GUCY1A2: variants seen among roughly 807,000 people sequenced by gnomAD.
GUCY1A2 encodes guanylate cyclase 1 soluble subunit alpha 2.
In GUCY1A2, 27 loss-of-function variants were observed where a neutral mutation model predicts 63.5. That is an observed-to-expected ratio of 0.43 (90% CI 0.31 to 0.59). The LOEUF is 0.59. Among genes scored for constraint, GUCY1A2 ranks in the 20% least tolerant of loss-of-function variants. The pLI is 0.11. For missense variants in GUCY1A2, 768 were observed against 913.3 expected (o/e 0.84, Z 2.05); for synonymous variants, 364 against 343.5 (o/e 1.06, Z -0.66).
Position 106,755,446 on chromosome 11 carries a change from C to T in GUCY1A2, c.1836+20993G>A, listed in dbSNP as rs1044217027. ...TCTTTTAATTGTGATGTTAGGGTGT[C>T]GATTTTAGATCTTTCCTGCTTTCTC... is the stretch of plus-strand genomic sequence containing the variant. On this transcript the variant is annotated intron_variant, in intron 6 of 7. Transcript: ENST00000526355. 1.3e-3 allele frequency among the ~76,000 whole-genome samples: 191 copies of T among 152,094 alleles called. 1 individual carries two copies. The highest frequency in any genetic ancestry group is 4.4e-3 in the African/African-American group (184 of 41,466).
chr11:106,897,093 C>T (rs755446028), intron 4 of GUCY1A2, among the ~76,000 whole-genome samples: 28 of 152,060 alleles, frequency 1.8e-4, no homozygotes, highest in African/African-American at 6.8e-4. Flanking sequence ...AAATACAATA[C>T]ATTTACATTA....
chr11:106,974,797 A>G (rs144438603), intron 3 of GUCY1A2, among the ~76,000 whole-genome samples: 1 of 152,274 alleles, frequency 6.6e-6, no homozygotes, highest in Non-Finnish European at 1.5e-5. Context: ...ACATCAATGA[A>G]TATCTTTTCA....
At chr11:106,896,021 AAT>A (rs1344371242) in intron 4 of GUCY1A2, among the ~76,000 whole-genome samples, 5 of 145,286 alleles carry the variant, frequency 3.4e-5, no homozygotes, top group Non-Finnish European at 6.0e-5. Context: ...AAAAAAAAAA[AAT>A]ATATATATAT....
chr11:106,751,682 A>G (rs557451782), intron 6 of GUCY1A2, among the ~76,000 whole-genome samples: 2 of 152,306 alleles, frequency 1.3e-5, no homozygotes, highest in South Asian at 2.1e-4. Context: ...ATTTTAAAAT[A>G]TAAAGTCAAT....
intron 1 of GUCY1A2, among the ~76,000 whole-genome samples, chr11:107,005,322 G>A (rs548917478): frequency 6.6e-6 from 1 of 152,138 alleles, no homozygotes; most frequent in Non-Finnish European, 1.5e-5. Context: ...CACCCAAGCT[G>A]CCATTCAGTA....
chr11:106,776,804 T>A (rs1282028513), intron 5 of GUCY1A2, among the ~76,000 whole-genome samples: 3 of 152,208 alleles, frequency 2.0e-5, no homozygotes, highest in African/African-American at 7.2e-5. Context: ...TCACTAGAGA[T>A]GATCATTGAA....
At chr11:106,768,112 A>G (rs1864194529) in intron 6 of GUCY1A2, among the ~76,000 whole-genome samples, 1 of 151,904 alleles carries the variant, frequency 6.6e-6, no homozygotes, top group Admixed American at 6.6e-5. Flanking sequence ...ATAGAATAAC[A>G]CTCATTTTTT....
chr11:106,734,579 T>C (rs887092932), intron 6 of GUCY1A2, among the ~76,000 whole-genome samples: 47 of 152,268 alleles, frequency 3.1e-4, no homozygotes, highest in African/African-American at 1.1e-3. Flanking sequence ...ATTTGACTGA[T>C]TTAGATATAT....
At chr11:106,838,761 G>C (rs914948875) in intron 4 of GUCY1A2, among the ~76,000 whole-genome samples, 52 of 152,036 alleles carry the variant, frequency 3.4e-4, no homozygotes, top group African/African-American at 1.2e-3. Flanking sequence ...ATGTCTGTTG[G>C]CTGCATAAAT....
intron 3 of GUCY1A2, among the ~76,000 whole-genome samples, chr11:106,957,262 A>C: frequency 6.7e-6 from 1 of 149,762 alleles, no homozygotes. Flanking sequence ...CCAGGAGCTC[A>C]AATGGCTTAG....
intron 6 of GUCY1A2, among the ~76,000 whole-genome samples, chr11:106,758,785 G>A (rs1252012096): frequency 1.3e-5 from 2 of 152,208 alleles, no homozygotes; most frequent in Admixed American, 6.5e-5. Flanking sequence ...GCAGCATGTA[G>A]CATAGTTAGA....
chr11:106,847,892 G>A lies in GUCY1A2; in HGVS notation c.1207-37414C>T, dbSNP rs79096975. Among the ~76,000 whole-genome samples the A allele has an allele frequency of 5.9e-3, 889 of 151,668 alleles. 6 individuals carry two copies. Among genetic ancestry groups the A allele is most frequent in the African/African-American group, 0.021 (857 of 41,472 alleles). Reference sequence around the variant, plus strand: ...AGAAATCTAACCCAATGTATTAAATGGGGAGAGCAAGAATACTATAAATGA... The same window carrying A: ...AGAAATCTAACCCAATGTATTAAATAGGGAGAGCAAGAATACTATAAATGA... On this transcript the variant is annotated intron_variant, in intron 4 of 7. Transcript: ENST00000526355.
intron 6 of GUCY1A2, among the ~76,000 whole-genome samples, chr11:106,709,192 A>C (rs565510941): frequency 1.6e-5 from 2 of 127,914 alleles, no homozygotes; most frequent in African/African-American, 5.8e-5. Context: ...ATATATAACT[A>C]TATATAATAT....
chr11:106,971,085 A>G (rs981748808), intron 3 of GUCY1A2, among the ~76,000 whole-genome samples: 1 of 152,160 alleles, frequency 6.6e-6, no homozygotes, highest in Non-Finnish European at 1.5e-5. Context: ...TGAACAAGTG[A>G]AACACGGGAT....
intron 6 of GUCY1A2, among the ~76,000 whole-genome samples, chr11:106,741,129 G>C (rs952840791): frequency 6.6e-6 from 1 of 152,060 alleles, no homozygotes; most frequent in Non-Finnish European, 1.5e-5. Context: ...TTTCTAATAG[G>C]CATGTTAAAA....
At chr11:106,738,596 A>G (rs1287769271) in intron 6 of GUCY1A2, among the ~76,000 whole-genome samples, 1 of 152,166 alleles carries the variant, frequency 6.6e-6, no homozygotes, top group Non-Finnish European at 1.5e-5. Flanking sequence ...GTCCAGTTTC[A>G]GATTTTTGCA....
At chr11:106,908,191 C>T (rs185746630) in intron 4 of GUCY1A2, among the ~76,000 whole-genome samples, 7 of 151,904 alleles carry the variant, frequency 4.6e-5, no homozygotes, top group African/African-American at 2.4e-5. Context: ...AGAAAGGAAA[C>T]GTAGATATTA....
intron 6 of GUCY1A2, among the ~76,000 whole-genome samples, chr11:106,752,614 G>A (rs1181948400): frequency 6.6e-6 from 1 of 151,854 alleles, no homozygotes; most frequent in Non-Finnish European, 1.5e-5. Context: ...ATGCAGTGTT[G>A]GTTTTCCGTC....
intron 6 of GUCY1A2, among the ~76,000 whole-genome samples, chr11:106,769,459 T>G (rs985625755): frequency 6.6e-6 from 1 of 152,140 alleles, no homozygotes; most frequent in Non-Finnish European, 1.5e-5. Context: ...GTATGTAGAA[T>G]GAGGCATTGA....
Sources: gnomAD v4.1 joint callset for allele counts (sites outside exome capture counted in the v4.1 genomes callset) on GRCh38, gnomAD v4.1.1 for gene constraint, MANE v1.5 for transcripts, NCBI Gene and HGNC (gene_info 2026-07-23, HGNC 2026-07-21) for gene names.